Variants in SHTN1 observed in about 807,000 individuals in gnomAD.
SHTN1 encodes the protein shootin-1.
Under a neutral mutation model 83.1 loss-of-function variants are expected in SHTN1, and 42 were observed. The observed-to-expected ratio is 0.51, with a 90% CI of 0.39 to 0.65. The LOEUF is 0.65. Among genes scored for constraint, SHTN1 ranks in the 30% least tolerant of loss-of-function variants. SHTN1 has a pLI of 0.00. For synonymous variants in SHTN1, 224 were observed against 247.7 expected (o/e 0.90, Z 0.90); for missense variants, 622 against 737.8 (o/e 0.84, Z 1.82).
At chr10:116,919,696 G>A (rs577483661) in intron 12 of SHTN1, among the ~76,000 whole-genome samples, 87 of 152,198 alleles carry the variant, frequency 5.7e-4, no homozygotes, top group Non-Finnish European at 8.8e-4. Flanking sequence ...ATCAGGAAAC[G>A]CTAATAGCCA....
At chr10:116,918,053 G>C (rs952421699) in intron 12 of SHTN1, among the ~76,000 whole-genome samples, 1 of 152,108 alleles carries the variant, frequency 6.6e-6, no homozygotes, top group South Asian at 2.1e-4. Flanking sequence ...GAGAGCTCAT[G>C]GTATGTTTTG....
At chr10:116,904,931 G>C (rs961494156) in intron 15 of SHTN1, among the ~76,000 whole-genome samples, 2 of 151,944 alleles carry the variant, frequency 1.3e-5, no homozygotes, top group South Asian at 2.2e-4. Context: ...GCCGGGCGCG[G>C]TGGCTCACGC....
At chr10:116,957,229 T>C (rs1564897764) in intron 4 of SHTN1, among the ~76,000 whole-genome samples, 3 of 151,930 alleles carry the variant, frequency 2.0e-5, no homozygotes, top group South Asian at 2.1e-4. Context: ...AACCCCTCTA[T>C]GTCTAAGGCA....
At chr10:116,935,460 A>G (rs1278784919) in intron 9 of SHTN1, among the ~76,000 whole-genome samples, 2 of 152,170 alleles carry the variant, frequency 1.3e-5, no homozygotes, top group African/African-American at 4.8e-5. Flanking sequence ...TATGTGATGG[A>G]TTACATTTAT....
intron 1 of SHTN1, among the ~76,000 whole-genome samples, chr10:117,099,009 TACACACACACACAC>T (rs371738555): frequency 4.3e-5 from 6 of 141,030 alleles, no homozygotes; most frequent in East Asian, 2.0e-4. Flanking sequence ...GTGGTATGTA[TACACACACACACAC>T]ACACACACAC....
rs551072865 is a variant in SHTN1 at position 116,946,689 on chromosome 10, A to AAT, written c.617-1673_617-1672dup. Among the ~76,000 whole-genome samples the AAT allele has an allele frequency of 1.2e-3, 171 of 144,460 alleles. 1 individual carries two copies. The highest frequency in any genetic ancestry group is 4.0e-3 in the African/African-American group (159 of 39,598). 94.8% of individuals were successfully genotyped at this position (144,460 alleles called of 152,430 possible). On this transcript the variant is annotated intron_variant, in intron 7 of 16. Transcript: ENST00000355371. ...AATATATAAAATGATTTATATATAT[A>AAT]ATATATATATATGTTTTATTTATTT...
At chr10:117,072,059 G>C (rs896954989) in intron 1 of SHTN1, among the ~76,000 whole-genome samples, 8 of 152,190 alleles carry the variant, frequency 5.3e-5, no homozygotes, top group African/African-American at 1.9e-4. Context: ...TGTATGTCAA[G>C]CTGGTATTTC....
chr10:116,886,715 A>G, intron 16 of SHTN1, 149 bp from the exon 17 acceptor site: 1 of 1,092,500 alleles, frequency 9.2e-7, no homozygotes, highest in Non-Finnish European at 1.3e-6. Context: ...CCAGCCATTT[A>G]AAAGAAAAAA....
chr10:116,915,518 G>T, intron 12 of SHTN1, 34 bp from the exon 13 acceptor site: 1 of 1,247,058 alleles, frequency 8.0e-7, no homozygotes, highest in Non-Finnish European at 1.2e-6. Context: ...ATCCTCTTAT[G>T]TTACAAGAAA....
chr10:117,073,571 A>G (rs534801289), intron 1 of SHTN1, among the ~76,000 whole-genome samples: 2 of 152,346 alleles, frequency 1.3e-5, no homozygotes, highest in South Asian at 4.1e-4. Flanking sequence ...GGATAAAAGC[A>G]GTGCCACTTT....
At chr10:117,090,204 C>T (rs1016814922) in intron 1 of SHTN1, among the ~76,000 whole-genome samples, 26 of 152,122 alleles carry the variant, frequency 1.7e-4, no homozygotes, top group Non-Finnish European at 1.9e-4. Flanking sequence ...TTGTAATATA[C>T]ATACAATGGA....
At chr10:116,901,433 A>AG in intron 16 of SHTN1, 1 of 985,324 alleles carries the variant, frequency 1.0e-6, no homozygotes, top group Non-Finnish European at 1.2e-6. Flanking sequence ...AACCATTAAG[A>AG]GGGATGATCG....
intron 5 of SHTN1, among the ~76,000 whole-genome samples, 190 bp downstream of exon 5, chr10:116,953,852 C>T (rs1849878289): frequency 6.6e-6 from 1 of 152,010 alleles, no homozygotes; most frequent in Admixed American, 6.6e-5. Context: ...TGGTCTCCAA[C>T]TCCTGACCTC....
intron 11 of SHTN1, among the ~76,000 whole-genome samples, chr10:116,922,849 C>T (rs1340958150): frequency 6.6e-6 from 1 of 152,014 alleles, no homozygotes; most frequent in Non-Finnish European, 1.5e-5. Context: ...CATCTGTAAT[C>T]CCAGCTACTT....
At chr10:116,912,762 A>C (rs377110385) in intron 13 of SHTN1, among the ~76,000 whole-genome samples, 10 of 152,284 alleles carry the variant, frequency 6.6e-5, no homozygotes, top group Middle Eastern at 3.4e-3. Flanking sequence ...TGCAAGACAT[A>C]GTGAAAGGAA....
At chr10:117,107,812 T>G (rs1216082354) in intron 1 of SHTN1, among the ~76,000 whole-genome samples, 1 of 152,112 alleles carries the variant, frequency 6.6e-6, no homozygotes, top group African/African-American at 2.4e-5. Flanking sequence ...CCTCAGCAAT[T>G]CTGGGAAGGA....
At chr10:116,957,127 T>C (rs891695787) in intron 4 of SHTN1, among the ~76,000 whole-genome samples, 4 of 152,076 alleles carry the variant, frequency 2.6e-5, no homozygotes, top group Non-Finnish European at 4.4e-5. Flanking sequence ...TTGAACATTT[T>C]TGAGAATTCT....
chr10:116,916,486 A>G (rs985227272), intron 12 of SHTN1, among the ~76,000 whole-genome samples: 3 of 152,116 alleles, frequency 2.0e-5, no homozygotes, highest in African/African-American at 4.8e-5. Context: ...ACAAGTTTCT[A>G]CTGACTATTG....
In SHTN1 at chr10:116,881,529, C is replaced by T. The variant is rs752216514; in HGVS notation, c.*4815G>A. ...ACTTTAAATAGGTTTCAAAGAAGAACACACTTTTTTTTACTTTAATGAGGA... is the reference window on the plus strand; with the variant it reads ...ACTTTAAATAGGTTTCAAAGAAGAATACACTTTTTTTTACTTTAATGAGGA... On this transcript the variant is annotated 3_prime_UTR_variant, in exon 17 of 17. Transcript: ENST00000355371. 3 of 1,543,144 alleles carry T rather than the reference C, an allele frequency of 1.9e-6. No homozygotes were observed. Among genetic ancestry groups the T allele is most frequent in the Admixed American group, 2.0e-5 (1 of 49,196 alleles).
Sources: allele counts gnomAD v4.1 joint callset (sites outside exome capture counted in the v4.1 genomes callset), GRCh38; gene constraint gnomAD v4.1.1; transcripts MANE v1.5; gene names NCBI Gene and HGNC (gene_info 2026-07-23, HGNC 2026-07-21).